Variants in FCMR observed in about 807,000 individuals in gnomAD.
The protein encoded by FCMR is immunoglobulin mu Fc receptor.
In FCMR, 34 loss-of-function variants were observed where a neutral mutation model predicts 41.6. The observed-to-expected ratio is 0.82, with a 90% CI of 0.62 to 1.09. FCMR has a LOEUF of 1.09. Among genes scored for constraint, FCMR ranks in the 50% least tolerant of loss-of-function variants. The pLI, the probability that FCMR is intolerant of heterozygous loss-of-function variation, is 0.00. For synonymous variants in FCMR, 209 were observed against 211.8 expected (o/e 0.99, Z 0.12); for missense variants, 496 against 512.5 (o/e 0.97, Z 0.31).
Position 206,911,808 on chromosome 1 carries a change from G to T in FCMR, c.632C>A (p.Ser211Ter). The T allele has an allele frequency of 6.2e-7, 1 of 1,612,376 alleles. No individual in the cohort carries two copies. Among genetic ancestry groups the T allele is most frequent in the Non-Finnish European group, 8.5e-7 (1 of 1,179,342 alleles). The stretch of plus-strand genomic sequence containing the variant: ...CAGCCCCTCCAGAGCTGAGATTTTT[G>T]AGGCTGTAGTGGATGGCAGGAAGGT... Reference protein sequence around the residue: ...PRTFLPSTTASKISALEGLLK... With the variant: ...PRTFLPSTTA Residue 211 changes from serine to a stop codon, truncating the protein, a stop_gained, in exon 4 of 8, where the codon TCA becomes TAA. Transcript: ENST00000367091. LOFTEE classifies it high-confidence loss of function.
chr1:206,913,516 T>G (rs1276162270), intron 2 of FCMR: 1 of 560,024 alleles, frequency 1.8e-6, no homozygotes. Flanking sequence ...CCTCATGCCC[T>G]GGGTAGGATG....
Position 206,905,033 on chromosome 1 carries a change from T to A in FCMR, c.1159A>T (p.Asn387Tyr), listed in dbSNP as rs867831977. ...CTGGGGAGTTGTCAGGCAGGAACAT[T>A]GATGTAGTCATCTGAATCACTGTCC... is the stretch of plus-strand genomic sequence containing the variant. Reference protein sequence around the residue: ...MEDSDSDDYINVPA With the variant: ...MEDSDSDDYIYVPA Residue 387 changes from asparagine (N) to tyrosine (Y), a missense_variant, in exon 8 of 8, where the codon AAT becomes TAT. Asn to Tyr is a moderately radical substitution (Grantham distance 143, BLOSUM62 -2). Transcript: ENST00000367091. 1.9e-6 allele frequency: 3 copies of A among 1,613,978 alleles called. No individual in the cohort carries two copies. Among genetic ancestry groups the A allele is most frequent in the Middle Eastern group, 3.3e-4 (2 of 6,024 alleles).
chr1:206,915,486 G>A (rs933924324), intron 1 of FCMR, among the ~76,000 whole-genome samples: 8 of 152,128 alleles, frequency 5.3e-5, no homozygotes, highest in African/African-American at 1.4e-4. Context: ...GTGCTGGGGA[G>A]GGATAAAAGA....
rs1347059289 is a variant in FCMR, at chr1:206,911,930, G to A, written c.510C>T (p.Gly170=). 1 of 1,608,400 alleles carries A rather than the reference G, an allele frequency of 6.2e-7. No homozygotes were observed. The highest frequency in any genetic ancestry group is 1.1e-5 in the South Asian group (1 of 90,044). Residue 170 remains glycine, a synonymous_variant, in exon 4 of 8, where the codon GGC becomes GGT. Transcript: ENST00000367091. ...VTRVTTPAQR[G]KVPPVHHSSP... ...AGGAGTGGTGAACTGGAGGGACCTT[G>A]CCCCTTTGAGCTGGTGTGGTAACTG...
chr1:206,919,792 C>T (rs1679353108), intron 1 of FCMR, among the ~76,000 whole-genome samples: 1 of 152,146 alleles, frequency 6.6e-6, no homozygotes, highest in Non-Finnish European at 1.5e-5. Flanking sequence ...TTTAGGTCTT[C>T]CACTCCCCAC....
chr1:206,913,465 C>A (rs946042269), intron 2 of FCMR, among the ~76,000 whole-genome samples: 25 of 152,174 alleles, frequency 1.6e-4, no homozygotes, highest in African/African-American at 5.6e-4. Flanking sequence ...TTCCAATTTC[C>A]TCCATCTCAG....
At chr1:206,915,300 G>T (rs993308702) in intron 1 of FCMR, among the ~76,000 whole-genome samples, 1 of 152,182 alleles carries the variant, frequency 6.6e-6, no homozygotes, top group Non-Finnish European at 1.5e-5. Flanking sequence ...CTGTTGCAGG[G>T]GGTGGCGTGG....
chr1:206,904,884 A>T lies in FCMR; in HGVS notation c.*135T>A, dbSNP rs1678554106. On this transcript the variant is annotated 3_prime_UTR_variant, in exon 8 of 8. Transcript: ENST00000367091. ...ATGCTCAGGGCACAGATAGATGGGGATGGGAGTCGAGATGGGGCATGGGAA... is the reference window on the plus strand; with the variant it reads ...ATGCTCAGGGCACAGATAGATGGGGTTGGGAGTCGAGATGGGGCATGGGAA... 1.1e-6 allele frequency: 1 copy of T among 938,214 alleles called. No individual in the cohort carries two copies. Among genetic ancestry groups the T allele is most frequent in the Non-Finnish European group, 1.7e-6 (1 of 591,474 alleles). 58.1% of individuals were successfully genotyped at this position (938,214 alleles called of 1,614,324 possible).
At chr1:206,910,392 A>G in intron 4 of FCMR, 52 bp from the exon 5 acceptor site, 2 of 1,424,398 alleles carry the variant, frequency 1.4e-6, no homozygotes, top group Non-Finnish European at 1.9e-6. Context: ...TAAAGGAGGT[A>G]GGTTGAGGGC....
chr1:206,905,200 C>T, intron 7 of FCMR, 53 bp from the exon 8 acceptor site: 5 of 1,606,640 alleles, frequency 3.1e-6, no homozygotes, highest in Non-Finnish European at 4.3e-6. Flanking sequence ...ATTTTAATAT[C>T]TCCCCAGGTG....
intron 7 of FCMR, among the ~76,000 whole-genome samples, chr1:206,906,850 G>C (rs902521667): frequency 6.6e-6 from 1 of 151,838 alleles, no homozygotes; most frequent in Non-Finnish European, 1.5e-5. Flanking sequence ...TGTCCCTCCT[G>C]GTTGCTGCAC....
chr1:206,918,414 T>C (rs538220920), intron 1 of FCMR, among the ~76,000 whole-genome samples: 23 of 152,316 alleles, frequency 1.5e-4, no homozygotes, highest in African/African-American at 4.8e-4. Flanking sequence ...GCTAATGCTA[T>C]AGATTCCACC....
intron 7 of FCMR, among the ~76,000 whole-genome samples, chr1:206,908,669 T>C (rs1357960790): frequency 2.0e-5 from 3 of 152,078 alleles, no homozygotes. Flanking sequence ...GTTACAGGAA[T>C]TGCCTGTGCT....
At position 206,903,385 on chromosome 1, in the gene FCMR, T is replaced by C. The variant is rs1490121460; in HGVS notation, c.*1634A>G. On this transcript the variant is annotated 3_prime_UTR_variant, in exon 8 of 8. Transcript: ENST00000367091. ...GAAGGCAGCAGAATATTGTGCCCCA[T>C]GCTTCTTTACCCCTCACAATCCTTG... 3.9e-6 allele frequency: 1 copy of C among 256,308 alleles called. No homozygotes were observed. The highest frequency in any genetic ancestry group is 5.5e-5 in the South Asian group (1 of 18,344). The allele number at this position is 256,308 out of a possible 1,614,324, so 15.9% of individuals were successfully genotyped here. A position where few individuals can be genotyped will look rare whatever the true frequency, so the allele number is the denominator to read the frequency against.
Position 206,903,928 on chromosome 1 carries a change from G to A in FCMR, c.*1091C>T, listed in dbSNP as rs1678505223. 6.6e-6 allele frequency: 1 copy of A among 152,364 alleles called. No individual in the cohort carries two copies. Among genetic ancestry groups the A allele is most frequent in the Admixed American group, 6.5e-5 (1 of 15,286 alleles). The allele number at this position is 152,364 out of a possible 1,614,324, so 9.4% of individuals were successfully genotyped here. A position where few individuals can be genotyped will look rare whatever the true frequency, so the allele number is the denominator to read the frequency against. Reference sequence around the variant, plus strand: ...CCAGTGAGACTGTGTTGTACAGCTAGAAAAGGCCTTCTTCCCAATAGCAAG... The same window carrying A: ...CCAGTGAGACTGTGTTGTACAGCTAAAAAAGGCCTTCTTCCCAATAGCAAG... On this transcript the variant is annotated 3_prime_UTR_variant, in exon 8 of 8. Coordinates refer to ENST00000367091, the MANE Select transcript of FCMR (RefSeq NM_005449.5).
At chr1:206,907,103 T>A (rs1341911429) in intron 7 of FCMR, among the ~76,000 whole-genome samples, 2 of 43,356 alleles carry the variant, frequency 4.6e-5, no homozygotes, top group Non-Finnish European at 9.2e-5. Context: ...GGTGGGGGGG[T>A]GGGGGGGGGG....
chr1:206,914,643 C>T (rs749222199), intron 1 of FCMR, among the ~76,000 whole-genome samples: 10 of 151,770 alleles, frequency 6.6e-5, no homozygotes, highest in East Asian at 3.9e-4. Flanking sequence ...ATGTTGCCCA[C>T]GCTGTTCTCG....
rs1679056011 is a variant in FCMR at position 206,913,891 on chromosome 1, A to G, written c.241T>C (p.Tyr81His). ...ACTAGGAACAGATTCTTGCGTGGGTATTGCTTCAGAGTAACTCGGCCCTTG... is the reference window on the plus strand; with the variant it reads ...ACTAGGAACAGATTCTTGCGTGGGTGTTGCTTCAGAGTAACTCGGCCCTTG... The part of the protein sequence containing the change: ...EYKGRVTLKQ[Y>H]PRKNLFLVEV... Residue 81 changes from tyrosine (Y) to histidine (H), a missense_variant, in exon 2 of 8, where the codon TAC becomes CAC. By Grantham distance (83) the Tyr-to-His change is moderately conservative. Transcript: ENST00000367091. The G allele has an allele frequency of 6.2e-7, 1 of 1,614,080 alleles. No individual in the cohort carries two copies. Among genetic ancestry groups the G allele is most frequent in the African/African-American group, 1.3e-5 (1 of 74,920 alleles).
chr1:206,910,926 G>GTCA (rs949968591), intron 4 of FCMR, among the ~76,000 whole-genome samples: 7 of 152,194 alleles, frequency 4.6e-5, no homozygotes, highest in African/African-American at 1.7e-4. Context: ...CAATTCTGTG[G>GTCA]TCATGCCTGT....
Sources: gnomAD v4.1 joint callset for allele counts (sites outside exome capture counted in the v4.1 genomes callset) on GRCh38, gnomAD v4.1.1 for gene constraint, MANE v1.5 for transcripts, NCBI Gene and HGNC (gene_info 2026-07-23, HGNC 2026-07-21) for gene names.